TOX: variants seen among roughly 807,000 people sequenced by gnomAD.
TOX encodes the protein thymocyte selection-associated high mobility group box protein TOX.
A neutral mutation model predicts 53.7 loss-of-function variants in TOX; 11 were observed. The ratio of observed to expected loss-of-function variants is 0.20; its 90% CI spans 0.13 to 0.34. The LOEUF (loss-of-function observed/expected upper bound fraction) is 0.34. Ranked by LOEUF, TOX falls within the 10% of genes least tolerant of loss-of-function variation. The pLI is 1.00. For missense variants in TOX, 570 were observed against 664.6 expected, an observed-to-expected ratio of 0.86 and a Z score of 1.56; for synonymous variants, 225 against 245.3, an observed-to-expected ratio of 0.92 and a Z score of 0.77.
At chr8:58,996,194 T>C (rs149713474) in intron 1 of TOX, among the ~76,000 whole-genome samples, 11 of 152,364 alleles carry the variant, frequency 7.2e-5, no homozygotes, top group African/African-American at 2.6e-4. Flanking sequence ...TCAAACTTTC[T>C]ATACATGTAT....
Position 59,040,857 on chromosome 8 carries a change from C to A in TOX, c.102+78029G>T, listed in dbSNP as rs936483462. ...GACCCTCCCACTCCCCTCACTGGTCCTTTCTTCCTGGCTCCTGGCTCCTTG... is the reference window on the plus strand; with the variant it reads ...GACCCTCCCACTCCCCTCACTGGTCATTTCTTCCTGGCTCCTGGCTCCTTG... On this transcript the variant is annotated intron_variant, in intron 1 of 8. Transcript: ENST00000361421. 2.6e-5 allele frequency among the ~76,000 whole-genome samples: 4 copies of A among 152,182 alleles called. No homozygotes were observed. In the East Asian group the frequency reaches 7.7e-4, roughly 29 times the overall value.
intron 1 of TOX, among the ~76,000 whole-genome samples, chr8:59,096,730 A>C (rs2129424139): frequency 6.6e-6 from 1 of 152,258 alleles, no homozygotes; most frequent in African/African-American, 2.4e-5. Context: ...CAGATTTGTG[A>C]ACACCTCCAG....
In TOX at chr8:59,014,480, T is replaced by G. The variant is rs541694212; in HGVS notation, c.103-54472A>C. On this transcript the variant is annotated intron_variant, in intron 1 of 8. Coordinates refer to ENST00000361421, the MANE Select transcript of TOX (RefSeq NM_014729.3). Reference sequence around the variant, plus strand: ...AAGGGAGGAGGAATCAAAGCCTATCTTGATATGCAGAATCTACAAAGTAGC... The same window carrying G: ...AAGGGAGGAGGAATCAAAGCCTATCGTGATATGCAGAATCTACAAAGTAGC... Among the ~76,000 whole-genome samples, 344 of 152,370 alleles carry G rather than the reference T, an allele frequency of 2.3e-3. 3 individuals are homozygous for G. The highest frequency in any genetic ancestry group is 4.1e-3 in the Non-Finnish European group (277 of 68,036).
intron 1 of TOX, among the ~76,000 whole-genome samples, chr8:59,046,890 A>G (rs1803694533): frequency 6.6e-6 from 1 of 151,244 alleles, no homozygotes. Flanking sequence ...AAAAGAAAAG[A>G]AAAAAGGAAA....
At chr8:58,996,251 A>G (rs1813559397) in intron 1 of TOX, among the ~76,000 whole-genome samples, 1 of 152,220 alleles carries the variant, frequency 6.6e-6, no homozygotes, top group Admixed American at 6.5e-5. Flanking sequence ...TTTTCCCCAC[A>G]CTAGGAAGCA....
intron 1 of TOX, among the ~76,000 whole-genome samples, chr8:58,966,893 T>A (rs1441753174): frequency 1.5e-5 from 2 of 135,458 alleles, no homozygotes; most frequent in South Asian, 2.4e-4. Flanking sequence ...TTTTTTTTTT[T>A]AGATGGAGTC....
intron 5 of TOX, among the ~76,000 whole-genome samples, chr8:58,830,302 C>G (rs1810431258): frequency 6.6e-6 from 1 of 152,082 alleles, no homozygotes; most frequent in Non-Finnish European, 1.5e-5. Flanking sequence ...GCTACCATAT[C>G]CCATCTAAGG....
chr8:59,023,145 G>A (rs537368564), intron 1 of TOX, among the ~76,000 whole-genome samples: 231 of 152,282 alleles, frequency 1.5e-3, no homozygotes, highest in Middle Eastern at 3.4e-3. Flanking sequence ...CTGAGAAACT[G>A]AAGGTTTATA....
rs550155392 is a variant in TOX at position 59,044,630 on chromosome 8, C to T, written c.102+74256G>A. 4.6e-5 allele frequency among the ~76,000 whole-genome samples: 7 copies of T among 152,298 alleles called. No homozygotes were observed. In the South Asian group the frequency reaches 1.4e-3, roughly 32 times the overall value. Reference sequence around the variant, plus strand: ...ATAGATGCTTCCTTCACCTAACATACATGATTTTAAAAAAATCTAAATCTC... The same window carrying T: ...ATAGATGCTTCCTTCACCTAACATATATGATTTTAAAAAAATCTAAATCTC... On this transcript the variant is annotated intron_variant, in intron 1 of 8. Coordinates refer to ENST00000361421, the MANE Select transcript of TOX (RefSeq NM_014729.3).
At chr8:58,858,745 G>A (rs1274730184) in intron 3 of TOX, among the ~76,000 whole-genome samples, 2 of 152,120 alleles carry the variant, frequency 1.3e-5, no homozygotes, top group East Asian at 1.9e-4. Context: ...GCTTCCTCTC[G>A]GTCCCTTTTA....
At chr8:59,091,503 G>A (rs1415597393) in intron 1 of TOX, among the ~76,000 whole-genome samples, 1 of 151,670 alleles carries the variant, frequency 6.6e-6, no homozygotes, top group African/African-American at 2.4e-5. Flanking sequence ...GCTCTTCTTG[G>A]ACAATATAGA....
chr8:59,040,957 G>A lies in TOX; in HGVS notation c.102+77929C>T, dbSNP rs1316716597. Among the ~76,000 whole-genome samples, 6 of 152,224 alleles carry A rather than the reference G, an allele frequency of 3.9e-5. No homozygotes were observed. The East Asian group carries it at 1.2e-3, about 29-fold the overall frequency. On this transcript the variant is annotated intron_variant, in intron 1 of 8. Transcript: ENST00000361421. ...GCCTCCATTGGCCCTCAGGAACCAG[G>A]TGAGGTCAAAATAAGCTTTAGCATC...
At chr8:59,073,789 A>G (rs912786941) in intron 1 of TOX, among the ~76,000 whole-genome samples, 7 of 152,158 alleles carry the variant, frequency 4.6e-5, no homozygotes, top group Non-Finnish European at 7.4e-5. Flanking sequence ...ATATCAGAAT[A>G]GACTCAATTC....
At chr8:59,089,329 T>G (rs1187724472) in intron 1 of TOX, among the ~76,000 whole-genome samples, 1 of 152,312 alleles carries the variant, frequency 6.6e-6, no homozygotes, top group Non-Finnish European at 1.5e-5. Context: ...GTTGTATATT[T>G]TCTCACTTCA....
At chr8:59,038,094 C>T (rs191724250) in intron 1 of TOX, among the ~76,000 whole-genome samples, 13 of 152,170 alleles carry the variant, frequency 8.5e-5, no homozygotes, top group Non-Finnish European at 1.9e-4. Context: ...AATTAGGTAT[C>T]CAACATGAAT....
At position 58,998,520 on chromosome 8, in the gene TOX, T is replaced by A. The variant is rs1299033567; in HGVS notation, c.103-38512A>T. Among the ~76,000 whole-genome samples the A allele has an allele frequency of 2.6e-4, 31 of 119,556 alleles. 1 individual carries two copies. The highest frequency in any genetic ancestry group is 9.6e-4 in the African/African-American group (28 of 29,080). The allele number at this position is 119,556 out of a possible 152,430, so 78.4% of individuals were successfully genotyped here. A position where few individuals can be genotyped will look rare whatever the true frequency, so the allele number is the denominator to read the frequency against. ...ATATATATATATATATATATATATA[T>A]ATATATATATATATATATAAATTTA... On this transcript the variant is annotated intron_variant, in intron 1 of 8. Transcript: ENST00000361421.
rs67045037 is a variant in TOX, at chr8:58,965,894, G to GTTTTTTTT, written c.103-5894_103-5887dup. Among the ~76,000 whole-genome samples the GTTTTTTTT allele has an allele frequency of 1.6e-3, 77 of 49,620 alleles. 16 individuals are homozygous for GTTTTTTTT. The highest frequency in any genetic ancestry group is 1.8e-3 in the African/African-American group (24 of 13,052). 32.6% of individuals were successfully genotyped at this position (49,620 alleles called of 152,430 possible). On this transcript the variant is annotated intron_variant, in intron 1 of 8. Transcript: ENST00000361421. ...GCCCAGTATAAGATTACGAGTCATC[G>GTTTTTTTT]TTTTTTTTTTTTTTTTTTTTTTTTT...
In TOX at chr8:58,851,485, A is replaced by T; in HGVS notation, c.693+39T>A. On this transcript the variant is annotated intron_variant, in intron 4 of 8. Coordinates refer to ENST00000361421, the MANE Select transcript of TOX (RefSeq NM_014729.3). This position sits in a 1 kb window ranked among gnomAD's most constrained non-coding sequence, Gnocchi z 4.4. ...GCACAGGTCAAAGAAGGTGCCTAAG[A>T]ATAGTCTCCCATAGGTCCTAAAAAT... 1 of 1,604,330 alleles carries T rather than the reference A, an allele frequency of 6.2e-7. No homozygotes were observed. Among genetic ancestry groups the T allele is most frequent in the South Asian group, 1.1e-5 (1 of 90,148 alleles).
intron 3 of TOX, among the ~76,000 whole-genome samples, chr8:58,879,894 T>C (rs1811354683): frequency 6.6e-6 from 1 of 152,236 alleles, no homozygotes; most frequent in Non-Finnish European, 1.5e-5. Context: ...TATGTCCTTG[T>C]ACTGGTACAA....
Sources: gnomAD v4.1 joint callset for allele counts (sites outside exome capture counted in the v4.1 genomes callset) on GRCh38, gnomAD v4.1.1 for gene constraint, Gnocchi (gnomAD v3.1) non-coding constraint, MANE v1.5 for transcripts, NCBI Gene and HGNC (gene_info 2026-07-23, HGNC 2026-07-21) for gene names.